Variants in DMD observed in about 807,000 individuals in gnomAD.
The protein encoded by DMD is dystrophin, also known as mutant dystrophin.
In DMD, 63 loss-of-function variants were observed where a neutral mutation model predicts 330.1. The observed-to-expected ratio is 0.19, with a 90% CI of 0.16 to 0.24. The LOEUF is 0.24. DMD is among the 10% of genes least tolerant of loss of function. DMD has a pLI of 1.00. For missense variants in DMD, 3,344 were observed against 2,684.1 expected (o/e 1.25, Z -5.43); for synonymous variants, 1,223 against 959.8 (o/e 1.27, Z -5.07).
At chrX:32,654,645 T>C in intron 9 of DMD, among the ~76,000 whole-genome samples, 1 of 111,899 alleles carries the variant, frequency 8.9e-6, no homozygotes. Flanking sequence ...GGCTTTGGTA[T>C]CAGGATGATG....
chrX:31,582,419 T>C (rs991481571), intron 55 of DMD, among the ~76,000 whole-genome samples: 3 of 111,420 alleles, frequency 2.7e-5, no homozygotes, highest in Non-Finnish European at 5.6e-5. Context: ...TGACCTTGCA[T>C]GCTACACCAA....
chrX:32,450,088 A>G (rs1346883915), intron 26 of DMD, among the ~76,000 whole-genome samples: 1 of 110,959 alleles, frequency 9.0e-6, no homozygotes, highest in East Asian at 2.8e-4. Flanking sequence ...TTAATTTCCC[A>G]GTACTTGCAA....
intron 15 of DMD, among the ~76,000 whole-genome samples, chrX:32,569,061 C>A (rs1400287580): frequency 8.9e-6 from 1 of 111,749 alleles, no homozygotes; most frequent in African/African-American, 3.3e-5. Flanking sequence ...CAAAGGCCAG[C>A]TGGGATAGTA....
chrX:32,183,973 A>G (rs1300586891), intron 44 of DMD, among the ~76,000 whole-genome samples: 1 of 110,929 alleles, frequency 9.0e-6, no homozygotes, highest in East Asian at 2.8e-4. Context: ...AGACTCTTGA[A>G]AAATGAGTCA....
intron 34 of DMD, among the ~76,000 whole-genome samples, chrX:32,370,476 C>T (rs892089406): frequency 2.7e-5 from 3 of 110,834 alleles, no homozygotes; most frequent in African/African-American, 6.5e-5. Context: ...TTTTTAATAA[C>T]ACTGTATTGT....
At chrX:32,480,913 T>C (rs893514999) in intron 21 of DMD, among the ~76,000 whole-genome samples, 1 of 111,048 alleles carries the variant, frequency 9.0e-6, no homozygotes, top group East Asian at 2.8e-4. Context: ...ATGCAACAGA[T>C]TATGTGTCTA....
At chrX:31,352,451 T>C (rs1259670728) in intron 60 of DMD, among the ~76,000 whole-genome samples, 1 of 111,441 alleles carries the variant, frequency 9.0e-6, no homozygotes, top group Admixed American at 9.6e-5. Flanking sequence ...TAAAGGATTA[T>C]GACTGTGCCA....
chrX:32,991,952 T>C (rs2092989655), intron 2 of DMD, among the ~76,000 whole-genome samples: 1 of 112,381 alleles, frequency 8.9e-6, no homozygotes, highest in Non-Finnish European at 1.9e-5. Flanking sequence ...TGCAATTGCT[T>C]ATTGTGAATG....
Position 31,982,848 on chromosome X carries a change from A to G in DMD, c.6439-14334T>C, listed in dbSNP as rs181481624. On this transcript the variant is annotated intron_variant, in intron 44 of 78. Transcript: ENST00000357033. ...CATATTTGCATTAGTACATATTACT[A>G]AAGTTTTTCAGAGATATGGCCATAT... 2.4e-3 allele frequency among the ~76,000 whole-genome samples: 262 copies of G among 108,437 alleles called. 1 individual carries two copies. Among genetic ancestry groups the G allele is most frequent in the African/African-American group, 8.4e-3 (255 of 30,485 alleles). The allele number at this position is 108,437 out of a possible 115,157, so 94.2% of individuals were successfully genotyped here.
At chrX:31,700,258 C>T (rs1336355839) in intron 52 of DMD, among the ~76,000 whole-genome samples, 2 of 111,131 alleles carry the variant, frequency 1.8e-5, no homozygotes, top group Admixed American at 1.9e-4. Flanking sequence ...GAATCACTAA[C>T]ACCACTTTCC....
chrX:32,298,898 G>A (rs1181911612), intron 42 of DMD, among the ~76,000 whole-genome samples: 2 of 110,904 alleles, frequency 1.8e-5, no homozygotes, highest in East Asian at 2.8e-4. Context: ...AACAGAAATC[G>A]AAGAAGCTAG....
intron 7 of DMD, among the ~76,000 whole-genome samples, chrX:32,779,645 C>A (rs1424846511): frequency 2.0e-5 from 2 of 99,310 alleles, no homozygotes; most frequent in Admixed American, 1.2e-4. Context: ...CCAGCTTCAT[C>A]CATGTCCCTA....
intron 54 of DMD, among the ~76,000 whole-genome samples, chrX:31,649,284 T>C (rs1388393013): frequency 9.0e-6 from 1 of 111,709 alleles, no homozygotes; most frequent in East Asian, 2.8e-4. Flanking sequence ...GGTGCGTTGG[T>C]TCAGCCCAGT....
chrX:31,528,519 C>A (rs1480823999), intron 55 of DMD, among the ~76,000 whole-genome samples: 1 of 112,312 alleles, frequency 8.9e-6, no homozygotes, highest in African/African-American at 3.2e-5. Flanking sequence ...CTGGCTTGCA[C>A]GTGTGAGGTG....
At chrX:32,626,322 C>G (rs867669335) in intron 11 of DMD, among the ~76,000 whole-genome samples, 2 of 95,464 alleles carry the variant, frequency 2.1e-5, no homozygotes, top group African/African-American at 1.2e-4. Context: ...CAAAAATTAG[C>G]TGGGCGTGGT....
intron 2 of DMD, among the ~76,000 whole-genome samples, chrX:33,019,086 G>GC (rs2093863116): frequency 9.0e-6 from 1 of 111,609 alleles, no homozygotes; most frequent in Non-Finnish European, 1.9e-5. Flanking sequence ...TTCTAAAAAT[G>GC]TTTGTCATAG....
chrX:32,842,628 G>C (rs1259794520), intron 4 of DMD, among the ~76,000 whole-genome samples: 1 of 110,830 alleles, frequency 9.0e-6, no homozygotes, highest in Non-Finnish European at 1.9e-5. Context: ...CCTTGTGTTC[G>C]TGTGCATTCA....
At chrX:32,302,651 T>C (rs1319360580) in intron 42 of DMD, among the ~76,000 whole-genome samples, 1 of 111,672 alleles carries the variant, frequency 9.0e-6, no homozygotes, top group Non-Finnish European at 1.9e-5. Flanking sequence ...TTAAAGGTAA[T>C]TTGTTTTTAG....
chrX:31,724,400 T>C (rs1012433042), intron 52 of DMD, among the ~76,000 whole-genome samples: 1 of 112,148 alleles, frequency 8.9e-6, no homozygotes, highest in African/African-American at 3.2e-5. Context: ...GTGTGAGAGA[T>C]GTTTTTTTTT....
Sources: allele counts gnomAD v4.1 joint callset (sites outside exome capture counted in the v4.1 genomes callset), GRCh38; gene constraint gnomAD v4.1.1; transcripts MANE v1.5; gene names NCBI Gene and HGNC (gene_info 2026-07-23, HGNC 2026-07-21).